Variants in BGN observed in about 807,000 individuals in gnomAD.
BGN encodes biglycan, also known as bone/cartilage proteoglycan-I.
BGN carries 6 observed loss-of-function variants against 20.0 expected under a neutral mutation model. The ratio of observed to expected loss-of-function variants is 0.30; its 90% CI spans 0.16 to 0.59. The LOEUF (loss-of-function observed/expected upper bound fraction) is 0.59, where lower values mean the gene tolerates loss of function less well. BGN is among the 20% of genes least tolerant of loss of function. The pLI, the probability that BGN is intolerant of heterozygous loss-of-function variation, is 0.88. For synonymous variants in BGN, 146 were observed against 134.6 expected (o/e 1.08, Z -0.59); for missense variants, 292 against 312.1 (o/e 0.94, Z 0.49).
At chrX:153,502,614 G>A (rs1480399524) in intron 1 of BGN, among the ~76,000 whole-genome samples, 5 of 112,989 alleles carry the variant, frequency 4.4e-5, no homozygotes, top group African/African-American at 1.6e-4. Context: ...AAGACCCTCC[G>A]GGCGGTTCCC....
At chrX:153,503,213 T>C (rs1010820934) in intron 1 of BGN, among the ~76,000 whole-genome samples, 5 of 112,099 alleles carry the variant, frequency 4.5e-5, no homozygotes, top group Admixed American at 3.7e-4. Context: ...GGGCTGCTCA[T>C]AGGGTGCTGG....
At position 153,506,888 on chromosome X, in the gene BGN, A is replaced by G; in HGVS notation, c.735A>G (p.Glu245=). The part of the protein sequence containing the change: ...HLDHNKIQAI[E]LEDLLRYSKL... ...ACCACAACAAAATCCAGGCCATCGA[A>G]CTGGAGGACCTGCTTCGCTACTCCA... The change falls in exon 6 of 8, where the codon GAA becomes GAG. Residue 245 remains glutamate, a synonymous_variant. Coordinates refer to ENST00000331595, the MANE Select transcript of BGN (RefSeq NM_001711.6). The G allele has an allele frequency of 8.3e-7, 1 of 1,209,807 alleles. No homozygotes were observed. The highest frequency in any genetic ancestry group is 2.3e-4 in the Middle Eastern group (1 of 4,355).
chrX:153,507,283 G>A (rs868949194), intron 7 of BGN, 98 bp downstream of exon 7: 23 of 1,043,092 alleles, frequency 2.2e-5, no homozygotes, highest in South Asian at 1.6e-4. Context: ...CCTCCTTCCC[G>A]ACCGGCTCTG....
At position 153,504,733 on chromosome X, in the gene BGN, C is replaced by T; in HGVS notation, c.102C>T (p.Phe34=). The part of the protein sequence containing the change: ...FWDFTLDDGP[F]MMNDEEASGA... The stretch of plus-strand genomic sequence containing the variant: ...ACTTCACCCTGGACGATGGGCCATT[C>T]ATGATGAACGATGAGGAAGCTTCGG... Residue 34 remains phenylalanine, a synonymous_variant, in exon 2 of 8, where the codon TTC becomes TTT. Transcript: ENST00000331595. The T allele has an allele frequency of 8.3e-7, 1 of 1,211,882 alleles. No individual in the cohort carries two copies. The highest frequency in any genetic ancestry group is 1.1e-6 in the Non-Finnish European group (1 of 895,458).
intron 1 of BGN, among the ~76,000 whole-genome samples, chrX:153,503,441 C>T (rs782642549): frequency 1.1e-3 from 120 of 112,233 alleles, no homozygotes; most frequent in African/African-American, 3.5e-3. Flanking sequence ...CACCGAGGGC[C>T]ACCCCAGGCT....
At chrX:153,499,971 G>T (rs1327356890) in intron 1 of BGN, among the ~76,000 whole-genome samples, 1 of 113,410 alleles carries the variant, frequency 8.8e-6, no homozygotes, top group Non-Finnish European at 1.9e-5. Context: ...GCTCAGGGGG[G>T]CAGACGCCCA....
intron 1 of BGN, among the ~76,000 whole-genome samples, chrX:153,503,542 G>A (rs1293720615): frequency 8.0e-5 from 9 of 112,347 alleles, no homozygotes; most frequent in African/African-American, 2.9e-4. Flanking sequence ...TGGAGAGTCA[G>A]GGTGGATGAA....
chrX:153,500,288 C>T (rs920755861), intron 1 of BGN, among the ~76,000 whole-genome samples: 4 of 112,882 alleles, frequency 3.5e-5, no homozygotes, highest in African/African-American at 6.4e-5. Flanking sequence ...CTCACACCTG[C>T]GGTCGCCAAA....
At chrX:153,502,227 C>T (rs906791172) in intron 1 of BGN, among the ~76,000 whole-genome samples, 2 of 112,479 alleles carry the variant, frequency 1.8e-5, no homozygotes, top group African/African-American at 6.4e-5. Context: ...CACAGCCTCC[C>T]GTAGGCCCAG....
intron 1 of BGN, among the ~76,000 whole-genome samples, chrX:153,500,150 C>A (rs1371664405): frequency 8.9e-6 from 1 of 112,954 alleles, no homozygotes; most frequent in Non-Finnish European, 1.9e-5. Context: ...AGGCTGCCAA[C>A]GCATCTTGTT....
At chrX:153,501,300 C>T (rs1426545205) in intron 1 of BGN, among the ~76,000 whole-genome samples, 2 of 112,183 alleles carry the variant, frequency 1.8e-5, no homozygotes, top group East Asian at 5.6e-4. Flanking sequence ...TTTGGGAGGA[C>T]AGCTGAGCCT....
At chrX:153,499,244 A>ACT (rs782409377) in intron 1 of BGN, among the ~76,000 whole-genome samples, 20 of 111,619 alleles carry the variant, frequency 1.8e-4, no homozygotes, top group Non-Finnish European at 3.8e-4. Context: ...TTCCTTGGAG[A>ACT]CTCTAGCAGG....
intron 1 of BGN, 146 bp from the exon 2 acceptor site, chrX:153,504,475 C>T (rs1200408759): frequency 3.4e-5 from 17 of 494,987 alleles, no homozygotes; most frequent in Admixed American, 7.7e-5. Flanking sequence ...GCCCACACTC[C>T]GCCCTCTCCG....
chrX:153,498,895 A>T (rs1001726833), intron 1 of BGN, among the ~76,000 whole-genome samples: 8 of 112,188 alleles, frequency 7.1e-5, no homozygotes, highest in African/African-American at 2.6e-4. Context: ...CAGAAGGGCC[A>T]TGCTTCCAGG....
chrX:153,501,932 G>A (rs1556991986), intron 1 of BGN, among the ~76,000 whole-genome samples: 1 of 111,986 alleles, frequency 8.9e-6, no homozygotes, highest in African/African-American at 3.2e-5. Flanking sequence ...CCTGCCTCCA[G>A]AGCCCTCGTT....
At chrX:153,497,059 T>C (rs3020930) in intron 1 of BGN, among the ~76,000 whole-genome samples, 2,106 of 95,070 alleles carry the variant, frequency 0.022, 68 homozygotes, top group African/African-American at 0.079. Flanking sequence ...GCCCCAGCCC[T>C]GGGGTCCCTG....
chrX:153,496,352 C>T (rs1029971952), intron 1 of BGN, among the ~76,000 whole-genome samples: 1 of 112,996 alleles, frequency 8.8e-6, no homozygotes, highest in Non-Finnish European at 1.9e-5. Context: ...CGGGTGAGCA[C>T]CTCCTGGTGA....
chrX:153,504,006 C>T (rs1207547880), intron 1 of BGN, among the ~76,000 whole-genome samples: 2 of 111,759 alleles, frequency 1.8e-5, no homozygotes, highest in South Asian at 3.7e-4. Flanking sequence ...TCCAAGGATA[C>T]CCCCTCTTTC....
At chrX:153,505,830 G>A (rs782171946) in intron 3 of BGN, 33 bp from the exon 4 acceptor site, 3 of 1,170,978 alleles carry the variant, frequency 2.6e-6, no homozygotes, top group South Asian at 3.7e-5. Flanking sequence ...TGGGGAGTCT[G>A]TGCCTTCACC....
Sources: allele counts gnomAD v4.1 joint callset (sites outside exome capture counted in the v4.1 genomes callset), GRCh38; gene constraint gnomAD v4.1.1; transcripts MANE v1.5; gene names NCBI Gene and HGNC (gene_info 2026-07-23, HGNC 2026-07-21).